Variants in DOK5 observed in about 807,000 individuals in gnomAD.
DOK5 encodes the protein docking protein 5, also known as downstream of tyrosine kinase 5.
A neutral mutation model predicts 43.3 loss-of-function variants in DOK5; 27 were observed. The ratio of observed to expected loss-of-function variants is 0.62; its 90% confidence interval spans 0.46 to 0.86. DOK5 has a LOEUF of 0.86. Ranked by LOEUF, DOK5 falls within the 40% of genes least tolerant of loss-of-function variation. The pLI is 0.00. For missense variants in DOK5, 373 were observed against 392.9 expected, an observed-to-expected ratio of 0.95 and a Z score of 0.43; for synonymous variants, 146 against 140.1, an observed-to-expected ratio of 1.04 and a Z score of -0.30.
chr20:54,501,391 C>T (rs899415630), intron 1 of DOK5, among the ~76,000 whole-genome samples: 10 of 140,700 alleles, frequency 7.1e-5, no homozygotes, highest in African/African-American at 1.6e-4. Flanking sequence ...GGCATGAACC[C>T]GGGAGGCGGA....
At chr20:54,650,367 G>A in intron 7 of DOK5, 48 bp from the exon 8 acceptor site, 1 of 1,583,240 alleles carries the variant, frequency 6.3e-7, no homozygotes, top group South Asian at 1.1e-5. Context: ...ATTTGATTGT[G>A]GGCTTTCTTG....
At chr20:54,522,551 G>A (rs1237587625) in intron 1 of DOK5, among the ~76,000 whole-genome samples, 5 of 145,058 alleles carry the variant, frequency 3.4e-5, no homozygotes, top group South Asian at 2.2e-4. Context: ...ACAGAGCCTC[G>A]CTCTGTTGTC....
At chr20:54,573,845 TAG>T (rs1985372226) in intron 2 of DOK5, among the ~76,000 whole-genome samples, 2 of 152,102 alleles carry the variant, frequency 1.3e-5, no homozygotes, top group African/African-American at 2.4e-5. Context: ...AGCTGCCCAC[TAG>T]ATAAGCAGAA....
intron 1 of DOK5, among the ~76,000 whole-genome samples, chr20:54,520,837 G>A (rs1030873395): frequency 4.0e-5 from 6 of 151,352 alleles, no homozygotes; most frequent in Admixed American, 6.6e-5. Context: ...TATATTTTAC[G>A]TATAATAAAA....
intron 2 of DOK5, among the ~76,000 whole-genome samples, chr20:54,564,361 G>A (rs764690192): frequency 2.4e-4 from 37 of 152,192 alleles, no homozygotes; most frequent in African/African-American, 3.4e-4. Flanking sequence ...AACCTGGGAC[G>A]CGGAGCTTGC....
rs1487064784 is a variant in DOK5, at chr20:54,644,566, C to T, written c.856+988C>T. Among the ~76,000 whole-genome samples, 5 of 151,560 alleles carry T rather than the reference C, an allele frequency of 3.3e-5. No homozygotes were observed. In the South Asian group the frequency reaches 8.4e-4, roughly 25 times the overall value. ...AAAAAACACAAAAAAATTAGCCGGG[C>T]GTGGTGGCGGGCGCCTGTAGTCCCA... On this transcript the variant is annotated intron_variant, in intron 7 of 7. Transcript: ENST00000262593.
intron 5 of DOK5, among the ~76,000 whole-genome samples, chr20:54,600,030 G>T (rs529483181): frequency 1.3e-5 from 2 of 152,318 alleles, no homozygotes; most frequent in African/African-American, 4.8e-5. Flanking sequence ...AAGAGAGTGA[G>T]CAGGACTGGC....
chr20:54,626,877 CTA>C (rs1472980840), intron 6 of DOK5, among the ~76,000 whole-genome samples: 4 of 152,172 alleles, frequency 2.6e-5, no homozygotes, highest in Admixed American at 1.3e-4. Context: ...GCAATCTGGC[CTA>C]TGACTGTTTT....
At chr20:54,495,262 A>G (rs969469111) in intron 1 of DOK5, 2 of 152,184 alleles carry the variant, frequency 1.3e-5, no homozygotes, top group African/African-American at 2.4e-5. Context: ...TGCCTTAAAG[A>G]AATGTTACTT....
chr20:54,554,893 C>A, intron 1 of DOK5, 40 bp from the exon 2 acceptor site: 1 of 1,264,286 alleles, frequency 7.9e-7, no homozygotes, highest in Non-Finnish European at 1.2e-6. Context: ...AAATGTCAGT[C>A]AGGGGAGATG....
In DOK5 at chr20:54,595,150, G is replaced by A. The variant is rs573701522; in HGVS notation, c.599+3345G>A. On this transcript the variant is annotated intron_variant, in intron 5 of 7. Transcript: ENST00000262593. The stretch of plus-strand genomic sequence containing the variant: ...AGGTCAGGAGATCGAGACCATCCTG[G>A]CTAACACGGTGAAACCCCATCTCTA... Among the ~76,000 whole-genome samples the A allele has an allele frequency of 6.6e-5, 10 of 152,256 alleles. No individual in the cohort carries two copies. In the South Asian group the frequency reaches 1.9e-3, roughly 28 times the overall value.
chr20:54,575,630 G>GTA (rs1252515254), intron 2 of DOK5, among the ~76,000 whole-genome samples: 1 of 152,088 alleles, frequency 6.6e-6, no homozygotes, highest in East Asian at 1.9e-4. Flanking sequence ...TAGTAGAGGT[G>GTA]GGGTTTCACC....
chr20:54,516,756 G>T (rs770461789), intron 1 of DOK5, among the ~76,000 whole-genome samples: 3 of 152,176 alleles, frequency 2.0e-5, no homozygotes, highest in Non-Finnish European at 4.4e-5. Context: ...TAAAAGTCAA[G>T]CTTTTTGCTA....
At chr20:54,575,638 A>C (rs1985430395) in intron 2 of DOK5, among the ~76,000 whole-genome samples, 1 of 152,126 alleles carries the variant, frequency 6.6e-6, no homozygotes, top group Non-Finnish European at 1.5e-5. Flanking sequence ...GTGGGGTTTC[A>C]CCATGTTGGC....
At chr20:54,509,895 C>T (rs1982953496) in intron 1 of DOK5, among the ~76,000 whole-genome samples, 1 of 147,862 alleles carries the variant, frequency 6.8e-6, no homozygotes, top group Non-Finnish European at 1.5e-5. Flanking sequence ...ACACTGCGAT[C>T]TGGAAATGTC....
intron 7 of DOK5, among the ~76,000 whole-genome samples, chr20:54,644,322 A>C (rs2146831653): frequency 6.6e-6 from 1 of 152,326 alleles, no homozygotes; most frequent in East Asian, 1.9e-4. Context: ...CTGTAATATC[A>C]GCACTTTGGG....
intron 4 of DOK5, among the ~76,000 whole-genome samples, chr20:54,590,239 T>C (rs1985936777): frequency 6.6e-6 from 1 of 152,182 alleles, no homozygotes; most frequent in Non-Finnish European, 1.5e-5. Flanking sequence ...ATAGCTCTGG[T>C]CTACAAGTAT....
chr20:54,564,166 G>A (rs553967401), intron 2 of DOK5, among the ~76,000 whole-genome samples: 1 of 152,206 alleles, frequency 6.6e-6, no homozygotes, highest in Non-Finnish European at 1.5e-5. Flanking sequence ...GCTCACGCCT[G>A]TAATCCCAGC....
At chr20:54,563,691 T>C (rs990045461) in intron 2 of DOK5, among the ~76,000 whole-genome samples, 2 of 149,834 alleles carry the variant, frequency 1.3e-5, no homozygotes, top group African/African-American at 5.0e-5. Flanking sequence ...TTTTTTACTT[T>C]CATGTTATTC....
Sources: gnomAD v4.1 joint callset for allele counts (sites outside exome capture counted in the v4.1 genomes callset) on GRCh38, gnomAD v4.1.1 for gene constraint, MANE v1.5 for transcripts, NCBI Gene and HGNC (gene_info 2026-07-23, HGNC 2026-07-21) for gene names.